ZNF385D: variants seen among roughly 807,000 people sequenced by gnomAD.
ZNF385D encodes the protein zinc finger protein 385D.
Under a neutral mutation model 35.8 loss-of-function variants are expected in ZNF385D, and 15 were observed. The observed-to-expected ratio is 0.42, with a 90% CI of 0.28 to 0.64. The LOEUF (loss-of-function observed/expected upper bound fraction) is 0.64, where lower values mean the gene tolerates loss of function less well. Among genes scored for constraint, ZNF385D ranks in the 30% least tolerant of loss-of-function variants. The pLI is 0.23. For missense variants in ZNF385D, 474 were observed against 494.6 expected, an observed-to-expected ratio of 0.96 and a Z score of 0.39; for synonymous variants, 212 against 186.8, an observed-to-expected ratio of 1.13 and a Z score of -1.10.
chr3:21,652,276 A>G (rs541509271), intron 2 of ZNF385D, among the ~76,000 whole-genome samples: 1 of 152,282 alleles, frequency 6.6e-6, no homozygotes, highest in Non-Finnish European at 1.5e-5. Flanking sequence ...TAGTTCTACT[A>G]TAAGGCTTTT....
intron 3 of ZNF385D, among the ~76,000 whole-genome samples, chr3:21,815,664 G>C (rs572897617): frequency 6.6e-6 from 1 of 152,146 alleles, no homozygotes; most frequent in Non-Finnish European, 1.5e-5. Context: ...CCAATAGCAG[G>C]CTCTGAAATT....
At chr3:21,827,570 C>G (rs1041238012) in intron 3 of ZNF385D, among the ~76,000 whole-genome samples, 1 of 152,136 alleles carries the variant, frequency 6.6e-6, no homozygotes, top group Non-Finnish European at 1.5e-5. Flanking sequence ...ACTTGTTGAA[C>G]TAAATTCACA....
At chr3:22,334,872 C>T (rs1695094774) in intron 2 of ZNF385D, among the ~76,000 whole-genome samples, 1 of 152,118 alleles carries the variant, frequency 6.6e-6, no homozygotes, top group Non-Finnish European at 1.5e-5. Context: ...TAATTTCCTG[C>T]TGATTTCTTC....
At chr3:21,936,810 T>C (rs145156082) in intron 3 of ZNF385D, among the ~76,000 whole-genome samples, 9 of 152,236 alleles carry the variant, frequency 5.9e-5, no homozygotes, top group Admixed American at 1.3e-4. Context: ...ATTTACCTCA[T>C]TGTGCTGAAA....
intron 3 of ZNF385D, among the ~76,000 whole-genome samples, chr3:21,906,031 G>A (rs1699668293): frequency 6.6e-6 from 1 of 152,162 alleles, no homozygotes; most frequent in South Asian, 2.1e-4. Context: ...AGGAAGCAGT[G>A]CTGTATATTC....
chr3:22,300,882 C>T (rs1702864352), intron 2 of ZNF385D, among the ~76,000 whole-genome samples: 1 of 151,898 alleles, frequency 6.6e-6, no homozygotes, highest in South Asian at 2.1e-4. Context: ...TATGGAGTTT[C>T]CTCAAAAAAT....
intron 3 of ZNF385D, among the ~76,000 whole-genome samples, chr3:21,927,960 G>C (rs1162276094): frequency 6.6e-6 from 1 of 152,114 alleles, no homozygotes; most frequent in African/African-American, 2.4e-5. Flanking sequence ...ATGGTGGCTT[G>C]TGCCTGAAAT....
At chr3:22,057,105 G>A (rs148795565) in intron 3 of ZNF385D, among the ~76,000 whole-genome samples, 34 of 152,292 alleles carry the variant, frequency 2.2e-4, no homozygotes, top group South Asian at 6.2e-4. Context: ...CAGTTGCTAC[G>A]TGACCCTGTG....
intron 2 of ZNF385D, among the ~76,000 whole-genome samples, chr3:22,188,625 A>AT (rs763885507): frequency 1.6e-4 from 25 of 151,670 alleles, no homozygotes; most frequent in East Asian, 5.8e-4. Context: ...AATTTTTTGT[A>AT]TTTTTTAGAA....
chr3:21,873,605 A>C lies in ZNF385D; in HGVS notation c.326-208577T>G, dbSNP rs150643266. Among the ~76,000 whole-genome samples, 246 of 152,138 alleles carry C rather than the reference A, an allele frequency of 1.6e-3. 5 individuals carry two copies. Among genetic ancestry groups the C allele is most frequent in the African/African-American group, 5.7e-3 (238 of 41,524 alleles). On this transcript the variant is annotated intron_variant, in intron 3 of 5. Transcript: ENST00000494108. ...GAACTTTTGCATCCTGTGTGACTGAAATTGTATACCTATTGAACAGAAACT... is the reference window on the plus strand; with the variant it reads ...GAACTTTTGCATCCTGTGTGACTGACATTGTATACCTATTGAACAGAAACT...
intron 3 of ZNF385D, among the ~76,000 whole-genome samples, chr3:21,543,632 A>C (rs944803739): frequency 6.6e-6 from 1 of 152,200 alleles, no homozygotes; most frequent in Non-Finnish European, 1.5e-5. Context: ...CAACTGGTGG[A>C]GGAAACAGTT....
At chr3:22,348,689 A>T (rs1394658229) in intron 2 of ZNF385D, among the ~76,000 whole-genome samples, 1 of 80,678 alleles carries the variant, frequency 1.2e-5, no homozygotes, top group Non-Finnish European at 2.4e-5. Context: ...AAAGGAAGGG[A>T]GGGAGGGAGG....
chr3:21,854,303 A>G (rs898247030), intron 3 of ZNF385D, among the ~76,000 whole-genome samples: 2 of 151,938 alleles, frequency 1.3e-5, no homozygotes, highest in Admixed American at 6.6e-5. Flanking sequence ...GCCCACCTCC[A>G]CTTATTTACA....
intron 3 of ZNF385D, among the ~76,000 whole-genome samples, chr3:21,562,733 AATAATT>A (rs1559408234): frequency 6.6e-6 from 1 of 152,186 alleles, no homozygotes; most frequent in East Asian, 1.9e-4. Flanking sequence ...CACTTAAAAT[AATAATT>A]ATAAAACTAT....
At chr3:22,226,637 A>G (rs1332498892) in intron 2 of ZNF385D, among the ~76,000 whole-genome samples, 1 of 152,176 alleles carries the variant, frequency 6.6e-6, no homozygotes, top group East Asian at 1.9e-4. Flanking sequence ...ATGCTTTGCT[A>G]TGATATTCTT....
At chr3:21,637,592 T>C (rs942601544) in intron 2 of ZNF385D, among the ~76,000 whole-genome samples, 7 of 152,090 alleles carry the variant, frequency 4.6e-5, no homozygotes, top group Middle Eastern at 3.4e-3. Flanking sequence ...GCTATGCGGG[T>C]AGAGTCAGAG....
intron 2 of ZNF385D, among the ~76,000 whole-genome samples, chr3:22,175,930 A>T (rs1182384556): frequency 6.7e-6 from 1 of 149,172 alleles, no homozygotes; most frequent in Non-Finnish European, 1.5e-5. Flanking sequence ...ATAATATATA[A>T]AATCATATTT....
intron 3 of ZNF385D, among the ~76,000 whole-genome samples, chr3:21,546,866 T>G (rs957364994): frequency 1.3e-5 from 2 of 151,896 alleles, no homozygotes; most frequent in African/African-American, 2.4e-5. Flanking sequence ...TCAAGTCACT[T>G]TTGCACTCAC....
intron 1 of ZNF385D, among the ~76,000 whole-genome samples, chr3:21,682,570 G>C (rs1228316521): frequency 6.7e-6 from 1 of 150,092 alleles, no homozygotes; most frequent in African/African-American, 2.5e-5. Flanking sequence ...TAATAGAAAT[G>C]AAAGTCAAGG....
Sources: allele counts gnomAD v4.1 joint callset (sites outside exome capture counted in the v4.1 genomes callset), GRCh38; gene constraint gnomAD v4.1.1; transcripts MANE v1.5; gene names NCBI Gene and HGNC (gene_info 2026-07-23, HGNC 2026-07-21).